Variants in ZNF362 observed in about 807,000 individuals in gnomAD.
ZNF362 encodes the protein rotund homolog.
Under a neutral mutation model 42.9 loss-of-function variants are expected in ZNF362, and 11 were observed. The ratio of observed to expected loss-of-function variants is 0.26; its 90% CI spans 0.16 to 0.42. ZNF362 has a LOEUF of 0.42. Ranked by LOEUF, ZNF362 falls within the 20% of genes least tolerant of loss-of-function variation. ZNF362 has a pLI of 1.00. For synonymous variants in ZNF362, 255 were observed against 257.3 expected, an observed-to-expected ratio of 0.99 and a Z score of 0.09; for missense variants, 362 against 576.2, an observed-to-expected ratio of 0.63 and a Z score of 3.81.
the ZNF362 span, among the ~76,000 whole-genome samples, chr1:33,149,017 C>T: frequency 6.6e-6 from 1 of 152,210 alleles, no homozygotes; most frequent in Admixed American, 6.5e-5. Flanking sequence ...TTACACGGTT[C>T]CCTCCACCTC....
In ZNF362 at chr1:33,299,152, C is replaced by G. The variant is rs1003887731; in HGVS notation, c.*106C>G. The G allele has an allele frequency of 2.4e-6, 2 of 823,216 alleles. No homozygotes were observed. The highest frequency in any genetic ancestry group is 3.4e-5 in the African/African-American group (2 of 59,194). The allele number at this position is 823,216 out of a possible 1,614,324, so 51.0% of individuals were successfully genotyped here. A position where few individuals can be genotyped will look rare whatever the true frequency, so the allele number is the denominator to read the frequency against. ...CCCTCCAGGAACCACCAAGCTCTCT[C>G]ACGACCTTCCCAATCTTCCAGAAAG... On this transcript the variant is annotated 3_prime_UTR_variant, in exon 9 of 9. Coordinates refer to ENST00000539719, the MANE Select transcript of ZNF362 (RefSeq NM_152493.3).
chr1:33,263,614 T>C (rs909803594), intron 1 of ZNF362, among the ~76,000 whole-genome samples: 8 of 152,184 alleles, frequency 5.3e-5, no homozygotes, highest in Non-Finnish European at 1.5e-5. Flanking sequence ...TTTTGCCATG[T>C]TGGTCAGGCT....
the ZNF362 span, among the ~76,000 whole-genome samples, chr1:33,198,989 A>T: frequency 3.3e-5 from 5 of 152,202 alleles, no homozygotes; most frequent in Non-Finnish European, 1.5e-5. Context: ...AAAATAAAAC[A>T]CAGAAAGAAA....
the ZNF362 span, among the ~76,000 whole-genome samples, chr1:33,128,039 C>G: frequency 2.7e-4 from 41 of 152,156 alleles, no homozygotes; most frequent in African/African-American, 9.6e-4. Context: ...ATAGTATCTA[C>G]CTTATACCAT....
the ZNF362 span, among the ~76,000 whole-genome samples, chr1:33,171,556 A>G: frequency 9.2e-5 from 14 of 152,266 alleles, no homozygotes; most frequent in Admixed American, 2.0e-4. Flanking sequence ...TGAGTACCCA[A>G]TGAGTGTCAG....
chr1:33,146,361 A>G, the ZNF362 span: 1 of 164,228 alleles, frequency 6.1e-6, no homozygotes, highest in African/African-American at 2.4e-5. Context: ...GCACCCTAGC[A>G]GGTCACAGAG....
the ZNF362 span, among the ~76,000 whole-genome samples, chr1:33,190,208 G>A: frequency 2.0e-5 from 3 of 152,022 alleles, no homozygotes; most frequent in African/African-American, 7.3e-5. Context: ...ATTATATTGG[G>A]CAGCAATACC....
the ZNF362 span, among the ~76,000 whole-genome samples, chr1:33,217,332 T>G: frequency 6.6e-6 from 1 of 152,198 alleles, no homozygotes; most frequent in Non-Finnish European, 1.5e-5. Flanking sequence ...ACTAGCTCAC[T>G]GTGTAACCTT....
At chr1:33,158,718 T>C in the ZNF362 span, among the ~76,000 whole-genome samples, 5 of 152,190 alleles carry the variant, frequency 3.3e-5, no homozygotes, top group Admixed American at 2.6e-4. Context: ...TGACTAAGTG[T>C]TATTACTACT....
chr1:33,132,839 T>C, the ZNF362 span, among the ~76,000 whole-genome samples: 1 of 152,182 alleles, frequency 6.6e-6, no homozygotes, highest in Non-Finnish European at 1.5e-5. Flanking sequence ...TCTTGGGTAG[T>C]GATGAGAATT....
intron 6 of ZNF362, among the ~76,000 whole-genome samples, chr1:33,283,392 A>G (rs747357181): frequency 1.3e-5 from 2 of 152,064 alleles, no homozygotes; most frequent in Non-Finnish European, 2.9e-5. Flanking sequence ...TTGGGACATG[A>G]TATGTGGGTA....
intron 1 of ZNF362, among the ~76,000 whole-genome samples, chr1:33,263,839 G>A (rs1403878031): frequency 1.3e-5 from 2 of 152,330 alleles, no homozygotes; most frequent in East Asian, 1.9e-4. Flanking sequence ...GTGGCACTGG[G>A]ACCTAGGGAA....
At chr1:33,153,907 C>CA in the ZNF362 span, among the ~76,000 whole-genome samples, 1 of 152,240 alleles carries the variant, frequency 6.6e-6, no homozygotes, top group East Asian at 1.9e-4. Flanking sequence ...CTGACCCTCA[C>CA]AGTTCACAGT....
intron 2 of ZNF362, among the ~76,000 whole-genome samples, chr1:33,272,181 C>T (rs1645909118): frequency 6.6e-6 from 1 of 152,170 alleles, no homozygotes; most frequent in African/African-American, 2.4e-5. Context: ...GCAGGGAGGC[C>T]ATGGAGGACA....
At chr1:33,289,168 C>T (rs1281525281) in intron 6 of ZNF362, among the ~76,000 whole-genome samples, 2 of 152,180 alleles carry the variant, frequency 1.3e-5, no homozygotes, top group South Asian at 2.1e-4. Context: ...CACAGCCCTC[C>T]CCAGTCAGAG....
chr1:33,268,691 G>T (rs996261723), intron 1 of ZNF362, among the ~76,000 whole-genome samples: 1 of 152,164 alleles, frequency 6.6e-6, no homozygotes, highest in African/African-American at 2.4e-5. Context: ...GCAGCCTGTG[G>T]AAGGTGAGAA....
chr1:33,192,079 G>A, the ZNF362 span, among the ~76,000 whole-genome samples: 37 of 152,180 alleles, frequency 2.4e-4, no homozygotes, highest in Non-Finnish European at 4.9e-4. Context: ...CCAGCTGTAG[G>A]AAATTAGGGG....
chr1:33,273,866 A>G (rs1372292849), intron 2 of ZNF362, among the ~76,000 whole-genome samples: 1 of 152,204 alleles, frequency 6.6e-6, no homozygotes, highest in Non-Finnish European at 1.5e-5. Flanking sequence ...TTGTCTTTAA[A>G]GTCATTCTGA....
At chr1:33,255,697 G>C (rs912229415), upstream of ZNF362, among the ~76,000 whole-genome samples, 5 of 152,152 alleles carry the variant, frequency 3.3e-5, no homozygotes, top group Non-Finnish European at 7.4e-5. Flanking sequence ...CCCATCCGTC[G>C]GGGATCCGGC....
Sources: gnomAD v4.1 joint callset for allele counts (sites outside exome capture counted in the v4.1 genomes callset) on GRCh38, gnomAD v4.1.1 for gene constraint, MANE v1.5 for transcripts, NCBI Gene and HGNC (gene_info 2026-07-23, HGNC 2026-07-21) for gene names.